The following ADGRL3 variants were observed in gnomAD, a reference collection of about 807,000 sequenced individuals.
ADGRL3 encodes the protein adhesion G protein-coupled receptor L3.
Under a neutral mutation model 153.5 loss-of-function variants are expected in ADGRL3, and 62 were observed. The ratio of observed to expected loss-of-function variants is 0.40; its 90% CI spans 0.33 to 0.50. The LOEUF (loss-of-function observed/expected upper bound fraction) is 0.50. Among genes scored for constraint, ADGRL3 ranks in the 20% least tolerant of loss-of-function variants. The probability of loss-of-function intolerance (pLI) is 0.47; values close to 1 mark genes in which losing one functional copy is unlikely to be tolerated. For missense variants in ADGRL3, 1,641 were observed against 1,859.4 expected (o/e 0.88, Z 2.16); for synonymous variants, 710 against 672.5 (o/e 1.06, Z -0.86).
intron 9 of ADGRL3, among the ~76,000 whole-genome samples, chr4:61,841,030 A>G (rs577348453): frequency 6.9e-6 from 1 of 145,354 alleles, no homozygotes; most frequent in South Asian, 2.2e-4. Flanking sequence ...TGTACTTAAC[A>G]TTGTGAACTA....
intron 4 of ADGRL3, among the ~76,000 whole-genome samples, chr4:61,522,894 G>A (rs150259862): frequency 4.6e-5 from 7 of 152,132 alleles, no homozygotes; most frequent in East Asian, 3.9e-4. Flanking sequence ...TTTGCTGGTC[G>A]GAATGTCCTA....
chr4:61,825,834 A>C (rs1031315936), intron 9 of ADGRL3, among the ~76,000 whole-genome samples: 10 of 152,184 alleles, frequency 6.6e-5, no homozygotes, highest in African/African-American at 2.4e-4. Context: ...GAAAATGTGA[A>C]TTTAAAAATG....
At chr4:61,589,411 GTAGT>G (rs1375066701) in intron 5 of ADGRL3, among the ~76,000 whole-genome samples, 2 of 152,128 alleles carry the variant, frequency 1.3e-5, no homozygotes, top group African/African-American at 4.8e-5. Context: ...TATAATGAAC[GTAGT>G]TACACTATTA....
chr4:61,382,504 T>A (rs1170641738), intron 1 of ADGRL3, among the ~76,000 whole-genome samples: 1 of 151,726 alleles, frequency 6.6e-6, no homozygotes, highest in Non-Finnish European at 1.5e-5. Flanking sequence ...AATTAAAAAA[T>A]TATGGTAATT....
chr4:61,438,710 CTT>C (rs11372072), intron 2 of ADGRL3, among the ~76,000 whole-genome samples: 46 of 137,886 alleles, frequency 3.3e-4, no homozygotes, highest in Non-Finnish European at 3.7e-4. Flanking sequence ...ATCTTTCTTT[CTT>C]TTTTTTTTTT....
intron 2 of ADGRL3, among the ~76,000 whole-genome samples, chr4:61,452,250 T>C (rs2097684317): frequency 6.6e-6 from 1 of 152,144 alleles, no homozygotes; most frequent in South Asian, 2.1e-4. Context: ...CTCTGGAAGG[T>C]CATCTTGCAG....
chr4:61,744,753 C>A (rs2096631757), intron 8 of ADGRL3, among the ~76,000 whole-genome samples: 2 of 152,066 alleles, frequency 1.3e-5, no homozygotes, highest in East Asian at 1.9e-4. Flanking sequence ...GATAAAACCA[C>A]AAAGATGGGG....
intron 5 of ADGRL3, among the ~76,000 whole-genome samples, chr4:61,607,452 T>C (rs545816972): frequency 1.3e-5 from 2 of 152,050 alleles, no homozygotes; most frequent in Admixed American, 6.6e-5. Context: ...CAAAAAAAAT[T>C]AGCCGGGTGT....
At chr4:61,374,598 C>A (rs76367185) in intron 1 of ADGRL3, among the ~76,000 whole-genome samples, 1 of 151,738 alleles carries the variant, frequency 6.6e-6, no homozygotes, top group African/African-American at 2.4e-5. Context: ...AAGCTTCATG[C>A]GATGCACTAC....
intron 5 of ADGRL3, among the ~76,000 whole-genome samples, chr4:61,640,522 T>A (rs559079999): frequency 3.3e-5 from 5 of 152,322 alleles, no homozygotes; most frequent in Non-Finnish European, 7.4e-5. Flanking sequence ...CACATTATCA[T>A]AAGCCTTTTG....
chr4:61,567,794 T>A (rs923130024), intron 4 of ADGRL3, among the ~76,000 whole-genome samples: 1 of 152,204 alleles, frequency 6.6e-6, no homozygotes, highest in African/African-American at 2.4e-5. Flanking sequence ...TCTTGCAGTC[T>A]TGGAACTATT....
intron 2 of ADGRL3, among the ~76,000 whole-genome samples, chr4:61,384,766 C>T (rs547953443): frequency 1.3e-5 from 2 of 151,832 alleles, no homozygotes; most frequent in Non-Finnish European, 2.9e-5. Flanking sequence ...AATGAAGTAA[C>T]GATTCATGTT....
chr4:61,904,787 AATTAAAGT>A (rs2098687698), intron 11 of ADGRL3, among the ~76,000 whole-genome samples: 1 of 152,150 alleles, frequency 6.6e-6, no homozygotes, highest in Non-Finnish European at 1.5e-5. Flanking sequence ...CGATAGATGT[AATTAAAGT>A]CAATACTTGT....
At chr4:61,848,271 A>T (rs2098161244) in intron 9 of ADGRL3, among the ~76,000 whole-genome samples, 1 of 149,822 alleles carries the variant, frequency 6.7e-6, no homozygotes, top group East Asian at 2.0e-4. Context: ...ATCCTTTTAC[A>T]GCACTGAAGG....
chr4:61,207,578 T>C (rs1239169233), intron 1 of ADGRL3, among the ~76,000 whole-genome samples: 1 of 152,204 alleles, frequency 6.6e-6, no homozygotes, highest in Non-Finnish European at 1.5e-5. Context: ...ATGAGATTGC[T>C]GGGTCAAATG....
intron 23 of ADGRL3, among the ~76,000 whole-genome samples, chr4:62,035,539 T>A (rs1724518116): frequency 6.6e-6 from 1 of 152,112 alleles, no homozygotes; most frequent in Admixed American, 6.6e-5. Flanking sequence ...TTCTTAGAGA[T>A]GCTTCATAAA....
At chr4:61,742,293 T>A (rs1018123567) in intron 8 of ADGRL3, among the ~76,000 whole-genome samples, 1 of 152,068 alleles carries the variant, frequency 6.6e-6, no homozygotes, top group Non-Finnish European at 1.5e-5. Context: ...TATTATTATT[T>A]TTTGAGATGG....
At chr4:61,701,430 A>ATTTTTTTTTTTTTTTTTTT (rs71664995) in intron 6 of ADGRL3, among the ~76,000 whole-genome samples, 1 of 105,418 alleles carries the variant, frequency 9.5e-6, no homozygotes, top group Non-Finnish European at 1.8e-5. Flanking sequence ...TAAAGGTACA[A>ATTTTTTTTTTTTTTTTTTT]TTTTTTTTTT....
At chr4:61,864,070 C>G (rs62304401) in intron 9 of ADGRL3, among the ~76,000 whole-genome samples, 14 of 152,210 alleles carry the variant, frequency 9.2e-5, no homozygotes, top group Admixed American at 5.9e-4. Context: ...GAAAATAACC[C>G]GGACATATTT....
Sources: gnomAD v4.1 joint callset for allele counts (sites outside exome capture counted in the v4.1 genomes callset) on GRCh38, gnomAD v4.1.1 for gene constraint, MANE v1.5 for transcripts, NCBI Gene and HGNC (gene_info 2026-07-23, HGNC 2026-07-21) for gene names.